Variants in ANO2 observed in about 807,000 individuals in gnomAD.
The protein encoded by ANO2 is anoctamin-2.
Under a neutral mutation model 124.2 loss-of-function variants are expected in ANO2, and 101 were observed. That is an observed-to-expected ratio of 0.81 (90% CI 0.69 to 0.96). ANO2 has a LOEUF of 0.96. ANO2 is among the 40% of genes least tolerant of loss of function. The pLI, the probability that ANO2 is intolerant of heterozygous loss-of-function variation, is 0.00. For synonymous variants in ANO2, 486 were observed against 482.5 expected (o/e 1.01, Z -0.09); for missense variants, 1,293 against 1,274.5 (o/e 1.01, Z -0.22).
chr12:5,689,513 G>C (rs955378760), intron 14 of ANO2, among the ~76,000 whole-genome samples: 4 of 152,114 alleles, frequency 2.6e-5, no homozygotes, highest in Admixed American at 1.3e-4. Context: ...TGACATCCAG[G>C]ACAGGTTTCC....
intron 20 of ANO2, among the ~76,000 whole-genome samples, chr12:5,599,010 A>C (rs1943800483): frequency 6.6e-6 from 1 of 152,208 alleles, no homozygotes; most frequent in South Asian, 2.1e-4. Flanking sequence ...TTATCTGATC[A>C]AAGTAGGGGA....
In ANO2 at chr12:5,908,798, G is replaced by C. The variant is rs999260601; in HGVS notation, c.534+12242C>G. On this transcript the variant is annotated intron_variant, in intron 3 of 24. Transcript: ENST00000682330. This position sits in a 1 kb window ranked among gnomAD's most constrained non-coding sequence, Gnocchi z 4.7. ...TCCTTTTGCTTCCATTGTAACTGTC[G>C]CTTTGTTTTCCCTTACAATTGTGTG... is the stretch of plus-strand genomic sequence containing the variant. Among the ~76,000 whole-genome samples the C allele has an allele frequency of 6.6e-6, 1 of 152,150 alleles. No individual in the cohort carries two copies. The highest frequency in any genetic ancestry group is 1.5e-5 in the Non-Finnish European group (1 of 68,032).
chr12:5,820,992 A>G (rs1953777678), intron 7 of ANO2, among the ~76,000 whole-genome samples: 1 of 152,208 alleles, frequency 6.6e-6, no homozygotes, highest in African/African-American at 2.4e-5. Flanking sequence ...ATACACTTTT[A>G]CTGTCCTCCC....
In ANO2 at chr12:5,675,114, T is replaced by C. The variant is rs138243559; in HGVS notation, c.1546-27313A>G. Among the ~76,000 whole-genome samples, 301 of 152,250 alleles carry C rather than the reference T, an allele frequency of 2.0e-3. 1 individual carries two copies. Among genetic ancestry groups the C allele is most frequent in the African/African-American group, 6.9e-3 (285 of 41,546 alleles). On this transcript the variant is annotated intron_variant, in intron 14 of 24. Transcript: ENST00000682330. ...CAAGCTGAATGAATGAATAGATGGA[T>C]GGATGAATGAATGTAACTGAGAAGA... is the stretch of plus-strand genomic sequence containing the variant.
intron 16 of ANO2, among the ~76,000 whole-genome samples, chr12:5,621,497 A>C (rs1945115954): frequency 6.6e-6 from 1 of 152,126 alleles, no homozygotes; most frequent in Non-Finnish European, 1.5e-5. Flanking sequence ...CTGGAGTTGG[A>C]GGCAGGACCC....
At chr12:5,780,221 A>G (rs961395478) in intron 10 of ANO2, among the ~76,000 whole-genome samples, 3 of 152,206 alleles carry the variant, frequency 2.0e-5, no homozygotes, top group African/African-American at 7.2e-5. Flanking sequence ...ATAGATTCAT[A>G]TATATTCATA....
chr12:5,897,149 A>T (rs532620519), intron 3 of ANO2, among the ~76,000 whole-genome samples: 6 of 152,248 alleles, frequency 3.9e-5, no homozygotes, highest in East Asian at 1.9e-4. Context: ...AAAAAAGAAA[A>T]AAATAAATAA....
intron 3 of ANO2, among the ~76,000 whole-genome samples, chr12:5,879,557 C>T (rs905476427): frequency 1.3e-5 from 2 of 152,146 alleles, no homozygotes; most frequent in Non-Finnish European, 2.9e-5. Context: ...GACATGAAAA[C>T]AAATTATTAC....
At chr12:5,655,659 C>T (rs941540895) in intron 14 of ANO2, among the ~76,000 whole-genome samples, 1 of 152,174 alleles carries the variant, frequency 6.6e-6, no homozygotes, top group Non-Finnish European at 1.5e-5. Flanking sequence ...TAGACATATC[C>T]CATTTAATTA....
chr12:5,920,626 G>A lies in ANO2; in HGVS notation c.534+414C>T, dbSNP rs137897286. On this transcript the variant is annotated intron_variant, in intron 3 of 24. Transcript: ENST00000682330. ...CACACCTGTAATCCCAGCACTTTGG[G>A]AGGCCGAGGATGCCAGATCAGAAGG... 5.2e-3 allele frequency among the ~76,000 whole-genome samples: 786 copies of A among 152,276 alleles called. 4 individuals are homozygous for A. Among genetic ancestry groups the A allele is most frequent in the Middle Eastern group, 0.01 (3 of 294 alleles).
intron 3 of ANO2, among the ~76,000 whole-genome samples, chr12:5,886,179 A>G (rs776610330): frequency 8.5e-5 from 13 of 152,200 alleles, no homozygotes; most frequent in Non-Finnish European, 1.9e-4. Flanking sequence ...ATATGTGTAC[A>G]CCCATGTTTA....
chr12:5,587,716 G>A (rs1439677255), intron 20 of ANO2, among the ~76,000 whole-genome samples: 1 of 152,078 alleles, frequency 6.6e-6, no homozygotes, highest in Non-Finnish European at 1.5e-5. Flanking sequence ...AAAGCCAGCT[G>A]CTACCCTCCC....
intron 3 of ANO2, among the ~76,000 whole-genome samples, chr12:5,917,571 T>TC (rs1369185572): frequency 6.8e-6 from 1 of 147,610 alleles, no homozygotes; most frequent in Admixed American, 6.8e-5. Context: ...TTTTCTTTTT[T>TC]TTTTTTTTTT....
At chr12:5,733,192 GC>G in intron 13 of ANO2, 1 of 456,484 alleles carries the variant, frequency 2.2e-6, no homozygotes, top group Admixed American at 3.4e-5. Context: ...AAACTCACTT[GC>G]CTGGACCTGT....
chr12:5,802,469 G>T (rs1953070496), intron 9 of ANO2, among the ~76,000 whole-genome samples: 1 of 152,210 alleles, frequency 6.6e-6, no homozygotes, highest in South Asian at 2.1e-4. Context: ...TCACCTGCAG[G>T]GGAGGCAGGG....
intron 14 of ANO2, among the ~76,000 whole-genome samples, chr12:5,656,806 G>C (rs964084351): frequency 1.3e-5 from 2 of 152,228 alleles, no homozygotes; most frequent in African/African-American, 4.8e-5. Flanking sequence ...CCCTCTCTAT[G>C]TAAGGAGGCA....
intron 10 of ANO2, among the ~76,000 whole-genome samples, chr12:5,761,033 C>T (rs1440355565): frequency 4.2e-5 from 6 of 141,836 alleles, no homozygotes; most frequent in Non-Finnish European, 9.0e-5. Flanking sequence ...AGCTCCAGGA[C>T]GTCCCAAATT....
chr12:5,928,428 CA>C (rs1227435176), intron 1 of ANO2, among the ~76,000 whole-genome samples: 36 of 99,336 alleles, frequency 3.6e-4, no homozygotes, highest in African/African-American at 1.1e-3. Context: ...TTTCCTTCCT[CA>C]CTAGTCTACT....
rs116219908 is a variant in ANO2 at position 5,852,008 on chromosome 12, A to G, written c.633+2035T>C. On this transcript the variant is annotated intron_variant, in intron 4 of 24. Transcript: ENST00000682330. The stretch of plus-strand genomic sequence containing the variant: ...ATTAAAACATAGGAAACAAGACACA[A>G]ATAGAATGAGGTTAAGAGAACATTA... The G allele has an allele frequency of 1.6e-3, 1,175 of 721,424 alleles. 10 individuals carry two copies. In the African/African-American group the frequency reaches 0.018, roughly 11 times the overall value. The allele number at this position is 721,424 out of a possible 1,614,324, so 44.7% of individuals were successfully genotyped here.
Sources: allele counts gnomAD v4.1 joint callset (sites outside exome capture counted in the v4.1 genomes callset), GRCh38; gene constraint gnomAD v4.1.1; non-coding constraint Gnocchi (gnomAD v3.1); transcripts MANE v1.5; gene names NCBI Gene and HGNC (gene_info 2026-07-23, HGNC 2026-07-21).